Variants in INPP5A observed in about 807,000 individuals in gnomAD.
INPP5A encodes inositol polyphosphate-5-phosphatase A, also known as 43 kDa inositol polyphosphate 5-phophatase.
In INPP5A, 14 loss-of-function variants were observed where a neutral mutation model predicts 65.2. That is an observed-to-expected ratio of 0.21 (90% CI 0.14 to 0.34). The LOEUF (loss-of-function observed/expected upper bound fraction) is 0.34, where lower values mean the gene tolerates loss of function less well. Ranked by LOEUF, INPP5A falls within the 10% of genes least tolerant of loss-of-function variation. INPP5A has a pLI of 1.00. For missense variants in INPP5A, 431 were observed against 545.6 expected (o/e 0.79, Z 2.09); for synonymous variants, 207 against 208.3 (o/e 0.99, Z 0.05).
chr10:132,773,970 C>T (rs1847000914), intron 12 of INPP5A, among the ~76,000 whole-genome samples: 1 of 152,188 alleles, frequency 6.6e-6, no homozygotes, highest in South Asian at 2.1e-4. Context: ...CTATGTTGTC[C>T]AGGCTGGTCT....
chr10:132,602,242 A>C (rs984687943), intron 1 of INPP5A, among the ~76,000 whole-genome samples: 8 of 152,044 alleles, frequency 5.3e-5, no homozygotes, highest in Admixed American at 1.3e-4. Context: ...TTTTCTTTTC[A>C]CATTGTTCAT....
chr10:132,716,208 G>C (rs1373335034), intron 8 of INPP5A, among the ~76,000 whole-genome samples: 1 of 152,212 alleles, frequency 6.6e-6, no homozygotes, highest in African/African-American at 2.4e-5. Context: ...AACCATGTGG[G>C]CCCGCAGGTG....
chr10:132,716,861 A>G (rs1284538134), intron 8 of INPP5A, among the ~76,000 whole-genome samples: 1 of 152,254 alleles, frequency 6.6e-6, no homozygotes, highest in Non-Finnish European at 1.5e-5. Flanking sequence ...AGCCCTGCAC[A>G]GCCCTCCTGC....
intron 9 of INPP5A, among the ~76,000 whole-genome samples, chr10:132,742,188 G>T (rs1421409165): frequency 6.6e-6 from 1 of 152,270 alleles, no homozygotes; most frequent in South Asian, 2.1e-4. Flanking sequence ...AGCCTGTTCT[G>T]TTCCTGATGG....
intron 4 of INPP5A, among the ~76,000 whole-genome samples, chr10:132,673,286 G>A (rs766462190): frequency 7.9e-5 from 12 of 152,198 alleles, no homozygotes; most frequent in African/African-American, 1.7e-4. Flanking sequence ...CCAGCAGAAC[G>A]TAATGTTGCA....
At chr10:132,765,975 GCATC>G in intron 12 of INPP5A, 129 bp downstream of exon 12, 2 of 683,078 alleles carry the variant, frequency 2.9e-6, no homozygotes, top group Non-Finnish European at 5.5e-6. Context: ...CATTCTGTGT[GCATC>G]CAGAGTGTGT....
At chr10:132,710,299 G>A (rs186000240) in intron 7 of INPP5A, 38 bp from the exon 8 acceptor site, 19 of 1,607,078 alleles carry the variant, frequency 1.2e-5, no homozygotes, top group East Asian at 4.5e-5. Context: ...CGGAGGCTCC[G>A]GCCCTTGGTG....
chr10:132,754,517 C>T (rs1846555348), intron 11 of INPP5A, among the ~76,000 whole-genome samples: 2 of 152,354 alleles, frequency 1.3e-5, no homozygotes, highest in South Asian at 4.1e-4. Context: ...CAGCCTGGGG[C>T]CCTCACCCCT....
intron 1 of INPP5A, among the ~76,000 whole-genome samples, chr10:132,578,319 C>A (rs2071434342): frequency 6.6e-6 from 1 of 152,198 alleles, no homozygotes; most frequent in Non-Finnish European, 1.5e-5. Context: ...CTATGGGGAT[C>A]TTTGTAGCAC....
chr10:132,581,961 C>G (rs1384962357), intron 1 of INPP5A, among the ~76,000 whole-genome samples: 1 of 152,044 alleles, frequency 6.6e-6, no homozygotes, highest in African/African-American at 2.4e-5. Context: ...CCTCAGCTTC[C>G]CGAGTAGCTG....
chr10:132,580,192 G>A (rs760145208), intron 1 of INPP5A, among the ~76,000 whole-genome samples: 1 of 152,150 alleles, frequency 6.6e-6, no homozygotes, highest in Admixed American at 6.6e-5. Context: ...TCCCTGATAT[G>A]GTTTGGCTCT....
intron 1 of INPP5A, among the ~76,000 whole-genome samples, chr10:132,567,513 A>G (rs1201628856): frequency 6.6e-6 from 1 of 152,210 alleles, no homozygotes; most frequent in Admixed American, 6.5e-5. Flanking sequence ...GTTTCCCCTG[A>G]TAGGAACATC....
chr10:132,774,524 CTG>C (rs1847010848), intron 12 of INPP5A, among the ~76,000 whole-genome samples: 1 of 152,238 alleles, frequency 6.6e-6, no homozygotes, highest in Non-Finnish European at 1.5e-5. Flanking sequence ...CGGCTGAGCA[CTG>C]TGGCGAAGCC....
At chr10:132,665,677 T>C (rs1590907917) in intron 4 of INPP5A, among the ~76,000 whole-genome samples, 1 of 142,474 alleles carries the variant, frequency 7.0e-6, no homozygotes, top group East Asian at 2.1e-4. Context: ...GGCAGGTGAA[T>C]TGCTTGAGTT....
chr10:132,582,766 G>A (rs1360610770), intron 1 of INPP5A, among the ~76,000 whole-genome samples: 2 of 152,162 alleles, frequency 1.3e-5, no homozygotes, highest in Non-Finnish European at 2.9e-5. Flanking sequence ...GTATAAGTGT[G>A]CTTTATTTCT....
chr10:132,781,751 C>A, intron 14 of INPP5A, 110 bp from the exon 15 acceptor site: 1 of 893,106 alleles, frequency 1.1e-6, no homozygotes, highest in Non-Finnish European at 1.8e-6. Flanking sequence ...CAGCCCGGTT[C>A]ATGGCTGCCC....
At chr10:132,686,978 C>A (rs536665007) in intron 4 of INPP5A, among the ~76,000 whole-genome samples, 2 of 152,246 alleles carry the variant, frequency 1.3e-5, no homozygotes, top group South Asian at 2.1e-4. Context: ...GGAGTCTCGC[C>A]CTGTCACCTA....
intron 4 of INPP5A, among the ~76,000 whole-genome samples, chr10:132,657,966 C>G (rs1264184846): frequency 6.6e-6 from 1 of 152,234 alleles, no homozygotes; most frequent in Non-Finnish European, 1.5e-5. Context: ...CTCCCCGGCC[C>G]CAGCACCTGC....
rs556896832 is a variant in INPP5A, at chr10:132,617,526, C to T, written c.117+9570C>T. On this transcript the variant is annotated intron_variant, in intron 2 of 15. Transcript: ENST00000368594. The stretch of plus-strand genomic sequence containing the variant: ...GCCACACCTGAAGGGTGTGGAGGAG[C>T]GGCTGTTACCTGCTCGTGTGGCCAG... 6.9e-4 allele frequency among the ~76,000 whole-genome samples: 105 copies of T among 152,292 alleles called. 1 individual carries two copies. The South Asian group carries it at 8.3e-3, about 12-fold the overall frequency.
Sources: allele counts gnomAD v4.1 joint callset (sites outside exome capture counted in the v4.1 genomes callset), GRCh38; gene constraint gnomAD v4.1.1; transcripts MANE v1.5; gene names NCBI Gene and HGNC (gene_info 2026-07-23, HGNC 2026-07-21).